STARD13: variants seen among roughly 807,000 people sequenced by gnomAD.
STARD13 encodes the protein stAR-related lipid transfer protein 13.
A neutral mutation model predicts 106.4 loss-of-function variants in STARD13; 62 were observed. The ratio of observed to expected loss-of-function variants is 0.58; its 90% CI spans 0.48 to 0.72. The LOEUF is 0.72. Ranked by LOEUF, STARD13 falls within the 30% of genes least tolerant of loss-of-function variation. The pLI is 0.00. For missense variants in STARD13, 1,387 were observed against 1,424.0 expected (o/e 0.97, Z 0.42); for synonymous variants, 565 against 553.0 (o/e 1.02, Z -0.31).
chr13:33,639,866 T>A, the STARD13 span, among the ~76,000 whole-genome samples: 2 of 152,250 alleles, frequency 1.3e-5, no homozygotes, highest in African/African-American at 4.8e-5. Context: ...TCTCTCTGAA[T>A]CTATTCTAGT....
At chr13:33,198,288 G>C (rs923857873) in intron 1 of STARD13, among the ~76,000 whole-genome samples, 2 of 152,124 alleles carry the variant, frequency 1.3e-5, no homozygotes, top group African/African-American at 4.8e-5. Context: ...AGTCACTAAG[G>C]GATGCTTTGT....
At chr13:33,189,409 T>C (rs1264493124) in intron 1 of STARD13, among the ~76,000 whole-genome samples, 1 of 58,538 alleles carries the variant, frequency 1.7e-5, no homozygotes, top group Non-Finnish European at 3.4e-5. Context: ...TTCCCTTTCC[T>C]CCTGCTTTCC....
At chr13:33,350,275 C>T (rs962292513) in intron 1 of STARD13, 54 of 1,524,446 alleles carry the variant, frequency 3.5e-5, no homozygotes, top group Non-Finnish European at 4.0e-5. Flanking sequence ...GTCGCGGCGT[C>T]TCCGGGGCAC....
At chr13:33,146,235 A>C (rs1335099487) in intron 3 of STARD13, among the ~76,000 whole-genome samples, 2 of 152,012 alleles carry the variant, frequency 1.3e-5, no homozygotes, top group Non-Finnish European at 2.9e-5. Flanking sequence ...GAGGCAGGAG[A>C]ATTGCTTGAA....
At chr13:33,605,928 T>C in the STARD13 span, among the ~76,000 whole-genome samples, 2,746 of 152,318 alleles carry the variant, frequency 0.018, 24 homozygotes, top group Middle Eastern at 0.037. Context: ...GTCTGGGGTA[T>C]GGGCTTGAGC....
the STARD13 span, among the ~76,000 whole-genome samples, chr13:33,380,921 CAG>C: frequency 2.0e-5 from 3 of 152,074 alleles, no homozygotes; most frequent in Non-Finnish European, 2.9e-5. Context: ...GCATGGCAGA[CAG>C]AATTGGATTG....
chr13:33,260,365 C>T lies in STARD13; in HGVS notation c.169+25105G>A, dbSNP rs181732364. Among the ~76,000 whole-genome samples, 17 of 152,332 alleles carry T rather than the reference C, an allele frequency of 1.1e-4. No homozygotes were observed. In the East Asian group the frequency reaches 2.9e-3, roughly 26 times the overall value. ...CAGCTGGTGGTCTGGGAGCTGTGCT[C>T]GCTGCAGCTCACAGTGGGCAGCCAT... On this transcript the variant is annotated intron_variant, in intron 1 of 13. Coordinates refer to ENST00000336934, the MANE Select transcript of STARD13 (RefSeq NM_178006.4).
At chr13:33,221,690 C>G (rs374643073) in intron 1 of STARD13, among the ~76,000 whole-genome samples, 3 of 152,092 alleles carry the variant, frequency 2.0e-5, no homozygotes, top group African/African-American at 7.2e-5. Flanking sequence ...GGCCTCTTGC[C>G]AAAAAATTAT....
chr13:33,455,345 C>T, the STARD13 span, among the ~76,000 whole-genome samples: 1 of 152,194 alleles, frequency 6.6e-6, no homozygotes, highest in Non-Finnish European at 1.5e-5. Context: ...GGCAGGGAGT[C>T]CCCTTATGTA....
intron 1 of STARD13, among the ~76,000 whole-genome samples, chr13:33,251,428 G>A (rs1022180629): frequency 6.6e-6 from 1 of 152,194 alleles, no homozygotes; most frequent in Non-Finnish European, 1.5e-5. Context: ...CAGTCTGCCA[G>A]GTTAGGATGA....
the STARD13 span, among the ~76,000 whole-genome samples, chr13:33,666,612 A>C: frequency 6.6e-6 from 1 of 151,940 alleles, no homozygotes; most frequent in East Asian, 1.9e-4. Flanking sequence ...TTTTTAAGAC[A>C]GAGTCACGCT....
chr13:33,479,703 T>C, the STARD13 span, among the ~76,000 whole-genome samples: 2 of 152,064 alleles, frequency 1.3e-5, no homozygotes, highest in African/African-American at 4.8e-5. Context: ...TGGCAGGAGG[T>C]GACTGGATCT....
At chr13:33,242,753 TA>T (rs71693726) in intron 1 of STARD13, among the ~76,000 whole-genome samples, 7 of 148,738 alleles carry the variant, frequency 4.7e-5, no homozygotes, top group East Asian at 1.9e-4. Flanking sequence ...CAGTAAATAC[TA>T]AAAAAAAAAT....
intron 1 of STARD13, among the ~76,000 whole-genome samples, chr13:33,236,646 C>G (rs1455216815): frequency 1.3e-5 from 2 of 152,136 alleles, no homozygotes; most frequent in Non-Finnish European, 2.9e-5. Flanking sequence ...TATGTGGATA[C>G]AGGGGAAGAG....
chr13:33,473,290 A>G, the STARD13 span, among the ~76,000 whole-genome samples: 5 of 152,232 alleles, frequency 3.3e-5, no homozygotes, highest in Admixed American at 2.6e-4. Context: ...CCAGAATAGT[A>G]AATATCATCC....
chr13:33,391,728 C>T, the STARD13 span, among the ~76,000 whole-genome samples: 1 of 152,214 alleles, frequency 6.6e-6, no homozygotes, highest in East Asian at 1.9e-4. Context: ...CTCACCACAT[C>T]ATTACTGATG....
the STARD13 span, among the ~76,000 whole-genome samples, chr13:33,509,006 A>G: frequency 3.9e-5 from 6 of 152,232 alleles, no homozygotes; most frequent in Non-Finnish European, 7.3e-5. Flanking sequence ...GAAAACATAG[A>G]AAACATAGAA....
chr13:33,463,924 T>C, the STARD13 span, among the ~76,000 whole-genome samples: 7 of 151,464 alleles, frequency 4.6e-5, no homozygotes, highest in Non-Finnish European at 1.0e-4. Flanking sequence ...AGCCAGAGAA[T>C]TGCTTGAACC....
At chr13:33,591,471 G>C in the STARD13 span, among the ~76,000 whole-genome samples, 1 of 152,156 alleles carries the variant, frequency 6.6e-6, no homozygotes, top group African/African-American at 2.4e-5. Context: ...GTACTCCCCA[G>C]ATTATGCACA....
Sources: gnomAD v4.1 joint callset for allele counts (sites outside exome capture counted in the v4.1 genomes callset) on GRCh38, gnomAD v4.1.1 for gene constraint, MANE v1.5 for transcripts, NCBI Gene and HGNC (gene_info 2026-07-23, HGNC 2026-07-21) for gene names.